ROCK2: variants seen among roughly 807,000 people sequenced by gnomAD.
ROCK2 encodes the protein rho-associated protein kinase 2.
In ROCK2, 61 loss-of-function variants were observed where a neutral mutation model predicts 195.1. The ratio of observed to expected loss-of-function variants is 0.31; its 90% CI spans 0.25 to 0.39. The LOEUF is 0.39. Among genes scored for constraint, ROCK2 ranks in the 10% least tolerant of loss-of-function variants. ROCK2 has a pLI of 1.00. For missense variants in ROCK2, 1,109 were observed against 1,637.4 expected (o/e 0.68, Z 5.57); for synonymous variants, 504 against 545.5 (o/e 0.92, Z 1.06).
At chr2:11,337,279 A>G (rs1254269264) in intron 1 of ROCK2, among the ~76,000 whole-genome samples, 1 of 151,992 alleles carries the variant, frequency 6.6e-6, no homozygotes, top group African/African-American at 2.4e-5. Context: ...AGAGAGATAC[A>G]CCATAAGCTA....
At chr2:11,198,295 T>C (rs892080936) in intron 25 of ROCK2, among the ~76,000 whole-genome samples, 196 bp downstream of exon 25, 4 of 152,126 alleles carry the variant, frequency 2.6e-5, no homozygotes, top group Non-Finnish European at 5.9e-5. Flanking sequence ...TTAAGAAAAA[T>C]TTTAGTTGCT....
At chr2:11,304,942 T>C (rs1004585265) in intron 1 of ROCK2, among the ~76,000 whole-genome samples, 11 of 152,182 alleles carry the variant, frequency 7.2e-5, no homozygotes, top group South Asian at 2.1e-4. Flanking sequence ...TTAGTTACTA[T>C]GTAATAACCG....
At chr2:11,296,396 C>G (rs1053656736) in intron 1 of ROCK2, among the ~76,000 whole-genome samples, 2 of 152,086 alleles carry the variant, frequency 1.3e-5, no homozygotes, top group Non-Finnish European at 2.9e-5. Flanking sequence ...CAGCCTGTTT[C>G]TAGTCAATTG....
intron 27 of ROCK2, among the ~76,000 whole-genome samples, chr2:11,196,436 C>T (rs1035963539): frequency 1.3e-5 from 2 of 152,288 alleles, no homozygotes; most frequent in Non-Finnish European, 2.9e-5. Flanking sequence ...TGAAACCATG[C>T]GCTCTTAAGC....
Position 11,239,290 on chromosome 2 carries a change from G to A in ROCK2, c.463-3328C>T, listed in dbSNP as rs190564111. 3.2e-3 allele frequency among the ~76,000 whole-genome samples: 493 copies of A among 152,230 alleles called. 2 individuals are homozygous for A. Among genetic ancestry groups the A allele is most frequent in the African/African-American group, 0.011 (441 of 41,536 alleles). The stretch of plus-strand genomic sequence containing the variant: ...AATGAGAAGATGAACCACAGGTTGG[G>A]AGGAAATATTTACAAGTGATATATA... On this transcript the variant is annotated intron_variant, in intron 4 of 32. Coordinates refer to ENST00000315872, the MANE Select transcript of ROCK2 (RefSeq NM_004850.5).
intron 9 of ROCK2, among the ~76,000 whole-genome samples, chr2:11,219,317 T>C (rs1250415646): frequency 2.9e-5 from 3 of 102,528 alleles, no homozygotes; most frequent in Non-Finnish European, 5.5e-5. Context: ...GTGATCAACA[T>C]GGTGAAACCT....
intron 3 of ROCK2, among the ~76,000 whole-genome samples, chr2:11,257,281 T>TG (rs58638997): frequency 1 from 151,146 of 151,146 alleles, 75,573 homozygotes; most frequent in Non-Finnish European, 1. Flanking sequence ...GAGTCCCTGC[T>TG]GGCCCTGTGG....
intron 3 of ROCK2, among the ~76,000 whole-genome samples, chr2:11,267,586 A>T (rs1307363248): frequency 6.6e-6 from 1 of 152,018 alleles, no homozygotes; most frequent in Non-Finnish European, 1.5e-5. Flanking sequence ...TTGCTTTCTG[A>T]GGCAGTCCTC....
chr2:11,332,269 C>T (rs980795649), intron 1 of ROCK2, among the ~76,000 whole-genome samples: 4 of 152,032 alleles, frequency 2.6e-5, no homozygotes, highest in Non-Finnish European at 5.9e-5. Context: ...ATTAACTAGG[C>T]CTTTCAGGTA....
Position 11,208,446 on chromosome 2 carries a change from T to A in ROCK2, c.2205A>T (p.Glu735Asp). The change falls in exon 19 of 33, where the codon GAA becomes GAT. Residue 735 changes from glutamate (E) to aspartate (D), a missense_variant and splice_region_variant. Glu to Asp is a conservative substitution (Grantham distance 45). Coordinates refer to ENST00000315872, the MANE Select transcript of ROCK2 (RefSeq NM_004850.5). ...TTTCCTCCAAGAGCTTCTTCTCCAT[T>A]TCTAGTATAATAAAAATGGACACAA... ...IEEAKSEAMK[E>D]MEKKLLEERT... is the part of the protein sequence containing the mutation. 6.8e-7 allele frequency: 1 copy of A among 1,478,688 alleles called. No homozygotes were observed. Among genetic ancestry groups the A allele is most frequent in the Non-Finnish European group, 9.1e-7 (1 of 1,103,296 alleles). The allele number at this position is 1,478,688 out of a possible 1,614,324, so 91.6% of individuals were successfully genotyped here.
At position 11,180,495 on chromosome 2, in the gene ROCK2, G is replaced by T. The variant is rs1166485336; in HGVS notation, c.*2942C>A. On this transcript the variant is annotated 3_prime_UTR_variant, in exon 33 of 33. Transcript: ENST00000315872. ...TTAAAACTTGTTTCTAGAGAACATG[G>T]TTTTTTAAAATTAATACTTTAAAAA... 2 of 152,056 alleles carry T rather than the reference G, an allele frequency of 1.3e-5. No individual in the cohort carries two copies. Among genetic ancestry groups the T allele is most frequent in the Non-Finnish European group, 2.9e-5 (2 of 68,000 alleles). 9.4% of individuals were successfully genotyped at this position (152,056 alleles called of 1,614,324 possible).
At chr2:11,344,856 C>G (rs1486400435), upstream of ROCK2, among the ~76,000 whole-genome samples, 1 of 150,768 alleles carries the variant, frequency 6.6e-6, no homozygotes, top group African/African-American at 2.4e-5. The surrounding 1 kb of genome is among the most constrained non-coding windows in gnomAD (Gnocchi z 5.4). Context: ...GGCGAATAGC[C>G]GGGCGCGCGG....
rs568000474 is a variant in ROCK2 at position 11,285,477 on chromosome 2, C to A, written c.324+1062G>T. Reference sequence around the variant, plus strand: ...CAGACTTCTTCAGAAGAATAATATTCTTCTTATGGATATGTATTACATAAA... The same window carrying A: ...CAGACTTCTTCAGAAGAATAATATTATTCTTATGGATATGTATTACATAAA... On this transcript the variant is annotated intron_variant, in intron 3 of 32. Transcript: ENST00000315872. 2.0e-5 allele frequency among the ~76,000 whole-genome samples: 3 copies of A among 152,092 alleles called. No individual in the cohort carries two copies. In the South Asian group the frequency reaches 6.2e-4, roughly 32 times the overall value.
At chr2:11,273,094 CAAAAAAAAAAA>C (rs34784074) in intron 3 of ROCK2, among the ~76,000 whole-genome samples, 2 of 21,758 alleles carry the variant, frequency 9.2e-5, no homozygotes, top group African/African-American at 1.5e-4. Context: ...AAATAAGGGT[CAAAAAAAAAAA>C]AAAAAAAAAA....
rs1473138232 is a variant in ROCK2, at chr2:11,183,442, T to C, written c.4164-2A>G. 1 of 1,592,754 alleles carries C rather than the reference T, an allele frequency of 6.3e-7. No individual in the cohort carries two copies. Among genetic ancestry groups the C allele is most frequent in the Non-Finnish European group, 8.6e-7 (1 of 1,165,270 alleles). ...ACTGCTTTCATAGAAGGCAGTTAGCTGAAAAGAAAGGAAAAATAAAGTTAG... is the reference window on the plus strand; with the variant it reads ...ACTGCTTTCATAGAAGGCAGTTAGCCGAAAAGAAAGGAAAAATAAAGTTAG... On this transcript the variant is annotated splice_acceptor_variant, in intron 32 of 32. Coordinates refer to ENST00000315872, the MANE Select transcript of ROCK2 (RefSeq NM_004850.5). LOFTEE classifies it high-confidence loss of function.
At chr2:11,280,713 C>T (rs558748261) in intron 3 of ROCK2, among the ~76,000 whole-genome samples, 1 of 151,948 alleles carries the variant, frequency 6.6e-6, no homozygotes, top group Non-Finnish European at 1.5e-5. Context: ...ACATAATATG[C>T]CAAAACTCAT....
At chr2:11,203,526 A>G (rs1663940482) in intron 20 of ROCK2, among the ~76,000 whole-genome samples, 1 of 152,084 alleles carries the variant, frequency 6.6e-6, no homozygotes, top group Non-Finnish European at 1.5e-5. Context: ...TATGAACACC[A>G]CTTGGGTATT....
chr2:11,205,861 T>G (rs1256475750), intron 20 of ROCK2, among the ~76,000 whole-genome samples: 1 of 151,996 alleles, frequency 6.6e-6, no homozygotes, highest in Non-Finnish European at 1.5e-5. Context: ...GTAATTCCAG[T>G]ACTTTGGGAG....
chr2:11,207,853 T>C lies in ROCK2; in HGVS notation c.2422A>G (p.Asn808Asp). 6.2e-7 allele frequency: 1 copy of C among 1,610,108 alleles called. No individual in the cohort carries two copies. ...TGTTGTGTTTGCATCTTCAGGTCAT[T>C]TTGTGTAAGGCAGCGCTTCTGAGTT... ...QETQKRCLTQ[N>D]DLKMQTQQVN... Residue 808 changes from asparagine to aspartate, a missense_variant, in exon 20 of 33, where the codon AAT (asparagine) becomes GAT (aspartate). Transcript: ENST00000315872.
Sources: allele counts gnomAD v4.1 joint callset (sites outside exome capture counted in the v4.1 genomes callset), GRCh38; gene constraint gnomAD v4.1.1; non-coding constraint Gnocchi (gnomAD v3.1); transcripts MANE v1.5; gene names NCBI Gene and HGNC (gene_info 2026-07-23, HGNC 2026-07-21).